Variants in VPS28 observed in about 807,000 individuals in gnomAD.
VPS28 encodes VPS28 subunit of ESCRT-I, also known as vacuolar protein sorting-associated protein 28 homolog.
VPS28 carries 29 observed loss-of-function variants against 33.7 expected under a neutral mutation model. The ratio of observed to expected loss-of-function variants is 0.86; its 90% CI spans 0.64 to 1.17. The LOEUF (loss-of-function observed/expected upper bound fraction) is 1.17, where lower values mean the gene tolerates loss of function less well. Ranked by LOEUF, VPS28 falls within the 50% of genes most tolerant of loss-of-function variation. The pLI is 0.00. For missense variants in VPS28, 247 were observed against 312.2 expected (o/e 0.79, Z 1.57); for synonymous variants, 164 against 116.7 (o/e 1.40, Z -2.61).
chr8:144,427,576 G>GA (rs1453896163), intron 1 of VPS28, among the ~76,000 whole-genome samples: 2 of 152,196 alleles, frequency 1.3e-5, no homozygotes, highest in Non-Finnish European at 2.9e-5. Flanking sequence ...TGGGGCACAG[G>GA]AAACAACACA....
chr8:144,427,196 G>A (rs1822824358), intron 1 of VPS28: 1 of 354,602 alleles, frequency 2.8e-6, no homozygotes, highest in Admixed American at 4.6e-5. Context: ...CTACTCAGGA[G>A]GCTGAGGCAG....
chr8:144,424,737 C>T lies in VPS28; in HGVS notation c.383G>A (p.Cys128Tyr). The T allele has an allele frequency of 6.2e-7, 1 of 1,612,976 alleles. No individual in the cohort carries two copies. The highest frequency in any genetic ancestry group is 8.5e-7 in the Non-Finnish European group (1 of 1,179,984). The part of the protein sequence containing the change: ...IKDDKGNLNR[C>Y]IADVVSLFIT... The stretch of plus-strand genomic sequence containing the variant: ...GCGCACCGAGACCACGTCTGCGATG[C>T]AGCGGTTGAGGTTGCCCTTGTCGTC... The change falls in exon 7 of 10, where the codon TGC becomes TAC. Residue 128 changes from cysteine to tyrosine, a missense_variant. By Grantham distance (194) the Cys-to-Tyr change is radical. Coordinates refer to ENST00000292510, the MANE Select transcript of VPS28 (RefSeq NM_016208.4).
intron 6 of VPS28, 62 bp downstream of exon 6, chr8:144,424,884 T>C (rs1586665094): frequency 1.9e-6 from 3 of 1,612,052 alleles, no homozygotes; most frequent in Middle Eastern, 1.7e-4. Context: ...CAGAGCCCTC[T>C]GGCACCCCAT....
At position 144,425,690 on chromosome 8, in the gene VPS28, G is replaced by A; in HGVS notation, c.187C>T (p.Pro63Ser). ...CAGGACGTGGGCTCTTACTCGCTGG[G>A]GGAGACACAGTCCTTGATGTAGGCC... ...EKAYIKDCVS[P>S]SEYTAACSRL... The change falls in exon 5 of 10, where the codon CCC becomes TCC. Residue 63 changes from proline (P) to serine (S), a missense_variant. Physicochemically the swap from Pro to Ser is moderately conservative, Grantham distance 74. This residue lies in a region of VPS28 where 149 missense variants were observed against 172.8 expected (regional missense o/e 0.86). Transcript: ENST00000292510. 1.2e-6 allele frequency: 2 copies of A among 1,613,798 alleles called. No individual in the cohort carries two copies. The highest frequency in any genetic ancestry group is 1.7e-5 in the Admixed American group (1 of 60,020).
In VPS28 at chr8:144,425,658, G is replaced by A. The variant is rs201580661; in HGVS notation, c.194+25C>T. ...ACCCAAGCCCCCCAGGGCAGGAACA[G>A]ACCTCCCAGGACGTGGGCTCTTACT... On this transcript the variant is annotated intron_variant, in intron 5 of 9. Coordinates refer to ENST00000292510, the MANE Select transcript of VPS28 (RefSeq NM_016208.4). 34 of 1,612,196 alleles carry A rather than the reference G, an allele frequency of 2.1e-5. No individual in the cohort carries two copies. In the East Asian group the frequency reaches 7.1e-4, roughly 34 times the overall value.
chr8:144,427,183 C>T (rs1586670721), intron 1 of VPS28: 2 of 388,348 alleles, frequency 5.2e-6, no homozygotes, highest in Middle Eastern at 7.7e-4. Flanking sequence ...GTTGTAATCC[C>T]AGCTACTCAG....
chr8:144,427,231 G>C, intron 1 of VPS28: 1 of 293,874 alleles, frequency 3.4e-6, no homozygotes, highest in East Asian at 9.5e-5. Context: ...CCCAGGAGGT[G>C]AAGGTTTCAA....
rs1043821647 is a variant in VPS28, at chr8:144,424,081, G to C, written c.508C>G (p.Leu170Val). 2 of 1,564,148 alleles carry C rather than the reference G, an allele frequency of 1.3e-6. No homozygotes were observed. The highest frequency in any genetic ancestry group is 1.7e-6 in the Non-Finnish European group (2 of 1,151,666). Residue 170 changes from leucine to valine, a missense_variant, in exon 9 of 10, where the codon CTC (leucine) becomes GTC (valine). By Grantham distance (32) the Leu-to-Val change is conservative. Transcript: ENST00000292510. ...TGGCGGCCCTCAAAGTCGGGTGGGA[G>C]GTGGCTCATGCGGTGCATGGTCTCC... The part of the protein sequence containing the change: ...LMETMHRMSH[L>V]PPDFEGRQTV...
At chr8:144,426,655 C>T in intron 2 of VPS28, 1 of 512,618 alleles carries the variant, frequency 2.0e-6, no homozygotes, top group Non-Finnish European at 3.5e-6. Context: ...ATTGGTGACA[C>T]AGGGTGCCCA....
At chr8:144,425,281 C>T (rs1052455353) in intron 5 of VPS28, 9 of 595,430 alleles carry the variant, frequency 1.5e-5, no homozygotes, top group Middle Eastern at 4.5e-4. Context: ...AACCCCTGCC[C>T]ACCCTCTGAA....
intron 2 of VPS28, chr8:144,426,533 C>T: frequency 2.3e-6 from 1 of 433,760 alleles, no homozygotes; most frequent in South Asian, 2.9e-5. Context: ...CCCAGCTCCC[C>T]AGCTCCACCA....
chr8:144,425,681 A>T lies in VPS28; in HGVS notation c.194+2T>A. On this transcript the variant is annotated splice_donor_variant, in intron 5 of 9. Coordinates refer to ENST00000292510, the MANE Select transcript of VPS28 (RefSeq NM_016208.4). LOFTEE classifies it high-confidence loss of function. ...CAGACCTCCCAGGACGTGGGCTCTT[A>T]CTCGCTGGGGGAGACACAGTCCTTG... 1 of 1,613,528 alleles carries T rather than the reference A, an allele frequency of 6.2e-7. No homozygotes were observed. Among genetic ancestry groups the T allele is most frequent in the Non-Finnish European group, 8.5e-7 (1 of 1,179,766 alleles).
At position 144,424,977 on chromosome 8, in the gene VPS28, C is replaced by A; in HGVS notation, c.269G>T (p.Ser90Ile). ...CTTGCGGCAGAATTCGTCAATAGAG[C>A]TGATTTCTGAGCCCTGGACCTGCCT... ...AFRQVQGSEI[S>I]SIDEFCRKFR... is the part of the protein sequence containing the mutation. The change falls in exon 6 of 10, where the codon AGC becomes ATC. Residue 90 changes from serine to isoleucine, a missense_variant. Coordinates refer to ENST00000292510, the MANE Select transcript of VPS28 (RefSeq NM_016208.4). 6.4e-7 allele frequency: 1 copy of A among 1,563,090 alleles called. No homozygotes were observed. Among genetic ancestry groups the A allele is most frequent in the Non-Finnish European group, 8.7e-7 (1 of 1,152,774 alleles).
rs960514196 is a variant in VPS28 at position 144,424,278 on chromosome 8, G to C, written c.403-10C>G. Reference sequence around the variant, plus strand: ...TGACCGTGATGAAGAGCTGGGGGCAGGTGTGCACATGAGGCTCGCGTGTCC... The same window carrying C: ...TGACCGTGATGAAGAGCTGGGGGCACGTGTGCACATGAGGCTCGCGTGTCC... On this transcript the variant is annotated splice_polypyrimidine_tract_variant and intron_variant, in intron 7 of 9. Coordinates refer to ENST00000292510, the MANE Select transcript of VPS28 (RefSeq NM_016208.4). 1 of 1,595,934 alleles carries C rather than the reference G, an allele frequency of 6.3e-7. No individual in the cohort carries two copies. Among genetic ancestry groups the C allele is most frequent in the Non-Finnish European group, 8.5e-7 (1 of 1,170,374 alleles).
intron 7 of VPS28, 23 bp from the exon 8 acceptor site, chr8:144,424,291 G>A (rs1822567169): frequency 1.9e-6 from 3 of 1,575,094 alleles, no homozygotes; most frequent in African/African-American, 1.4e-5. Context: ...GTGCACATGA[G>A]GCTCGCGTGT....
At chr8:144,425,133 A>G (rs1822645669) in intron 5 of VPS28, 82 bp from the exon 6 acceptor site, 2 of 1,223,276 alleles carry the variant, frequency 1.6e-6, no homozygotes, top group Admixed American at 4.1e-5. Flanking sequence ...CCAGAGGCAA[A>G]GCAGCTTCCA....
intron 9 of VPS28, 41 bp from the exon 10 acceptor site, chr8:144,423,963 A>G: frequency 6.2e-7 from 1 of 1,612,322 alleles, no homozygotes. Context: ...TGAGGGCCTC[A>G]GGGGCACTGC....
rs1467010627 is a variant in VPS28, at chr8:144,425,498, C to T, written c.194+185G>A. 4 of 622,518 alleles carry T rather than the reference C, an allele frequency of 6.4e-6. No individual in the cohort carries two copies. The African/African-American group carries it at 7.4e-5, about 11-fold the overall frequency. 38.6% of individuals were successfully genotyped at this position (622,518 alleles called of 1,614,324 possible). On this transcript the variant is annotated intron_variant, in intron 5 of 9. Coordinates refer to ENST00000292510, the MANE Select transcript of VPS28 (RefSeq NM_016208.4). ...CCGGATGACACCCCAGGAGCTGCGC[C>T]TCTGCCCGCCTCCCTCACCAGCCCC...
At position 144,426,008 on chromosome 8, in the gene VPS28, C is replaced by A; in HGVS notation, c.104+18G>T. ...ATGCGCATGGGTGTGTTGGGACAGC[C>A]TGGGCGCCTGGACTTACTTCTCCCT... On this transcript the variant is annotated intron_variant, in intron 4 of 9. Transcript: ENST00000292510. The A allele has an allele frequency of 6.7e-7, 1 of 1,502,686 alleles. No homozygotes were observed. The highest frequency in any genetic ancestry group is 1.3e-5 in the South Asian group (1 of 78,398). The allele number at this position is 1,502,686 out of a possible 1,614,324, so 93.1% of individuals were successfully genotyped here.
Sources: allele counts gnomAD v4.1 joint callset (sites outside exome capture counted in the v4.1 genomes callset), GRCh38; gene constraint gnomAD v4.1.1; regional missense constraint gnomAD v4.1.1; transcripts MANE v1.5; gene names NCBI Gene and HGNC (gene_info 2026-07-23, HGNC 2026-07-21).